The following SLMAP variants were observed in gnomAD, a reference collection of about 807,000 sequenced individuals.
The protein encoded by SLMAP is sarcolemma associated protein.
In SLMAP, 44 loss-of-function variants were observed where a neutral mutation model predicts 128.8. That is an observed-to-expected ratio of 0.34 (90% CI 0.27 to 0.44). SLMAP has a LOEUF of 0.44. Among genes scored for constraint, SLMAP ranks in the 20% least tolerant of loss-of-function variants. The pLI is 1.00. For missense variants in SLMAP, 787 were observed against 985.3 expected (o/e 0.80, Z 2.69); for synonymous variants, 327 against 348.8 (o/e 0.94, Z 0.70).
At chr3:57,806,728 C>G (rs1009485922) in intron 2 of SLMAP, among the ~76,000 whole-genome samples, 1 of 152,156 alleles carries the variant, frequency 6.6e-6, no homozygotes, top group African/African-American at 2.4e-5. Flanking sequence ...GCATGAGCCA[C>G]CATGCCTGTA....
intron 24 of SLMAP, 133 bp from the exon 25 acceptor site, chr3:57,927,163 T>C: frequency 4.2e-6 from 2 of 471,266 alleles, no homozygotes. Context: ...TTTCAAACTT[T>C]ATATTTATGA....
intron 2 of SLMAP, among the ~76,000 whole-genome samples, chr3:57,768,297 C>T (rs1314392060): frequency 6.6e-6 from 1 of 152,148 alleles, no homozygotes; most frequent in Non-Finnish European, 1.5e-5. Flanking sequence ...TATTTTCAGG[C>T]TTACAGTTTT....
intron 17 of SLMAP, among the ~76,000 whole-genome samples, chr3:57,905,408 A>T (rs961484424): frequency 9.2e-5 from 14 of 152,002 alleles, no homozygotes; most frequent in African/African-American, 3.4e-4. Context: ...CAGCCTCCCA[A>T]GTAGCTGGGA....
chr3:57,894,885 C>T (rs1368029048), intron 15 of SLMAP, among the ~76,000 whole-genome samples: 7 of 152,282 alleles, frequency 4.6e-5, no homozygotes, highest in East Asian at 3.9e-4. Context: ...GACCAGATTA[C>T]GGCTAAATTC....
In SLMAP at chr3:57,757,527, A is replaced by C; in HGVS notation, c.-125A>C. The C allele has an allele frequency of 1.3e-6, 1 of 791,528 alleles. No homozygotes were observed. The highest frequency in any genetic ancestry group is 2.1e-6 in the Non-Finnish European group (1 of 477,888). The allele number at this position is 791,528 out of a possible 1,614,324, so 49.0% of individuals were successfully genotyped here. ...TGATGTTCACTGGTTATGCTTAGACAATGTGCAGTTTGTGTTAATTTAAAA... is the reference window on the plus strand; with the variant it reads ...TGATGTTCACTGGTTATGCTTAGACCATGTGCAGTTTGTGTTAATTTAAAA... On this transcript the variant is annotated 5_prime_UTR_variant, in exon 2 of 25. Coordinates refer to ENST00000671191, the MANE Select transcript of SLMAP (RefSeq NM_001377540.1).
At chr3:57,907,824 T>C (rs942864561) in intron 17 of SLMAP, 60 bp from the exon 18 acceptor site, 3 of 1,518,684 alleles carry the variant, frequency 2.0e-6, no homozygotes, top group African/African-American at 2.8e-5. Context: ...TACCAGTCTT[T>C]TATTGTAGAT....
At chr3:57,854,173 A>G (rs1038181279) in intron 6 of SLMAP, among the ~76,000 whole-genome samples, 1 of 150,338 alleles carries the variant, frequency 6.7e-6, no homozygotes, top group African/African-American at 2.4e-5. Flanking sequence ...CCTTAATTAC[A>G]TTGAACCAAT....
intron 4 of SLMAP, among the ~76,000 whole-genome samples, chr3:57,843,989 C>T (rs1435889141): frequency 2.0e-5 from 3 of 151,404 alleles, no homozygotes; most frequent in Admixed American, 1.3e-4. Context: ...CTATATTGGC[C>T]GGGCTACCTC....
chr3:57,863,886 T>C (rs2095207055), intron 10 of SLMAP, among the ~76,000 whole-genome samples: 1 of 152,216 alleles, frequency 6.6e-6, no homozygotes, highest in African/African-American at 2.4e-5. Context: ...AATTTCAGAA[T>C]GTTAACATGA....
At chr3:57,864,479 G>A (rs2095236013) in intron 10 of SLMAP, 69 bp from the exon 11 acceptor site, 3 of 996,188 alleles carry the variant, frequency 3.0e-6, no homozygotes, top group African/African-American at 1.7e-5. Context: ...GTGAATAAAG[G>A]CATTCCTGGG....
chr3:57,777,009 G>T (rs541121493), intron 2 of SLMAP, among the ~76,000 whole-genome samples: 1 of 147,970 alleles, frequency 6.8e-6, no homozygotes, highest in South Asian at 2.1e-4. Context: ...TATAGTGCCT[G>T]TCATGTAGTA....
intron 14 of SLMAP, among the ~76,000 whole-genome samples, chr3:57,888,875 G>A (rs577975558): frequency 1.3e-5 from 2 of 151,876 alleles, no homozygotes; most frequent in East Asian, 3.9e-4. Context: ...ATCAAAATCT[G>A]TTACTTTCTG....
At position 57,917,026 on chromosome 3, in the gene SLMAP, A is replaced by G; in HGVS notation, c.2259A>G (p.Leu753=). The G allele has an allele frequency of 6.2e-7, 1 of 1,613,930 alleles. No homozygotes were observed. The highest frequency in any genetic ancestry group is 8.5e-7 in the Non-Finnish European group (1 of 1,179,884). Residue 753 remains leucine (L), a synonymous_variant, in exon 22 of 25, where the codon TTA becomes TTG. Transcript: ENST00000671191. ...KEQHLRDSAD[L]KTLLSKAENQ... ...AGCATCTTCGGGATTCAGCTGATTT[A>G]AAAACTCTTCTCAGTAAGGCAGAAA...
chr3:57,919,081 A>G (rs1559564667), intron 22 of SLMAP, among the ~76,000 whole-genome samples: 1 of 152,212 alleles, frequency 6.6e-6, no homozygotes, highest in South Asian at 2.1e-4. Flanking sequence ...GAAAAAGTAC[A>G]TGCAAAAAGT....
intron 17 of SLMAP, among the ~76,000 whole-genome samples, chr3:57,906,310 C>CTTTTTTTTTCTTTTTTTTT (rs2096551233): frequency 6.4e-5 from 3 of 47,048 alleles, no homozygotes; most frequent in African/African-American, 2.1e-4. Context: ...CTTTTTTTTT[C>CTTTTTTTTTCTTTTTTTTT]TTTTTTTTTT....
At chr3:57,806,413 A>G (rs1213313564) in intron 2 of SLMAP, among the ~76,000 whole-genome samples, 1 of 151,894 alleles carries the variant, frequency 6.6e-6, no homozygotes, top group African/African-American at 2.4e-5. Context: ...GTAGTATTCC[A>G]TGGTGTTTAT....
intron 3 of SLMAP, among the ~76,000 whole-genome samples, chr3:57,835,330 A>C (rs1290891065): frequency 6.6e-6 from 1 of 151,516 alleles, no homozygotes; most frequent in Non-Finnish European, 1.5e-5. Flanking sequence ...GGCAGCTTGC[A>C]CTTGTCTCAG....
intron 14 of SLMAP, among the ~76,000 whole-genome samples, chr3:57,877,487 T>C (rs2095629542): frequency 6.6e-6 from 1 of 152,222 alleles, no homozygotes; most frequent in African/African-American, 2.4e-5. Flanking sequence ...AAACATGTAT[T>C]GTGTTTCCCT....
intron 2 of SLMAP, among the ~76,000 whole-genome samples, chr3:57,808,837 A>G (rs1219099908): frequency 5.9e-5 from 9 of 152,166 alleles, no homozygotes; most frequent in Admixed American, 5.2e-4. Context: ...TCGTTGATCT[A>G]ATATTGACAG....
Sources: gnomAD v4.1 joint callset for allele counts (sites outside exome capture counted in the v4.1 genomes callset) on GRCh38, gnomAD v4.1.1 for gene constraint, MANE v1.5 for transcripts, NCBI Gene and HGNC (gene_info 2026-07-23, HGNC 2026-07-21) for gene names.